The following ARHGEF17 variants were observed in gnomAD, a reference collection of about 807,000 sequenced individuals.
ARHGEF17 encodes Rho guanine nucleotide exchange factor 17, also known as 164 kDa Rho-specific guanine-nucleotide exchange factor.
In ARHGEF17, 80 loss-of-function variants were observed where a neutral mutation model predicts 174.0. The observed-to-expected ratio is 0.46, with a 90% CI of 0.38 to 0.55. The LOEUF (loss-of-function observed/expected upper bound fraction) is 0.55, where lower values mean the gene tolerates loss of function less well. Among genes scored for constraint, ARHGEF17 ranks in the 20% least tolerant of loss-of-function variants. The pLI is 0.00. For synonymous variants in ARHGEF17, 1,311 were observed against 1,189.1 expected (o/e 1.10, Z -2.11); for missense variants, 2,886 against 2,839.7 (o/e 1.02, Z -0.37).
intron 1 of ARHGEF17, among the ~76,000 whole-genome samples, chr11:73,330,765 G>A (rs898154338): frequency 6.6e-6 from 1 of 152,238 alleles, no homozygotes; most frequent in South Asian, 2.1e-4. Context: ...GGCTGTCCTG[G>A]AGGTGGAGGC....
At chr11:73,352,763 G>A (rs113550874) in intron 2 of ARHGEF17, 67 bp from the exon 3 acceptor site, 4 of 1,556,050 alleles carry the variant, frequency 2.6e-6, no homozygotes, top group African/African-American at 2.7e-5. Context: ...TCACACAGGG[G>A]CCCTGTGTAG....
intron 16 of ARHGEF17, 44 bp from the exon 17 acceptor site, chr11:73,364,128 T>C (rs777808442): frequency 1.2e-6 from 2 of 1,604,336 alleles, no homozygotes; most frequent in Non-Finnish European, 8.5e-7. Context: ...TGACCCACTT[T>C]GGCTGCCTGA....
intron 2 of ARHGEF17, among the ~76,000 whole-genome samples, chr11:73,347,496 G>A (rs1458655189): frequency 6.6e-6 from 1 of 152,186 alleles, no homozygotes; most frequent in African/African-American, 2.4e-5. Context: ...AGGTTTCCTG[G>A]AGGAGGTGCT....
intron 1 of ARHGEF17, chr11:73,343,207 G>A: frequency 5.0e-6 from 2 of 398,280 alleles, no homozygotes; most frequent in South Asian, 1.3e-4. Flanking sequence ...CGCGATATGG[G>A]CCCAGCCGCC....
At chr11:73,350,224 T>C (rs1429097338) in intron 2 of ARHGEF17, among the ~76,000 whole-genome samples, 1 of 152,246 alleles carries the variant, frequency 6.6e-6, no homozygotes, top group Non-Finnish European at 1.5e-5. Flanking sequence ...TTAAGAAACT[T>C]GCCCAGGGTC....
chr11:73,311,196 T>C lies in ARHGEF17; in HGVS notation c.2558T>C (p.Val853Ala). 1 of 1,598,736 alleles carries C rather than the reference T, an allele frequency of 6.3e-7. No individual in the cohort carries two copies. The highest frequency in any genetic ancestry group is 8.5e-7 in the Non-Finnish European group (1 of 1,169,854). The change falls in exon 1 of 21, where the codon GTT (valine) becomes GCT (alanine). Residue 853 changes from valine to alanine, a missense_variant. By Grantham distance (64) the Val-to-Ala change is moderately conservative. Around this residue, in one of 4 missense-constraint regions of ARHGEF17, gnomAD observed 1,728 missense variants for 1,461.2 expected, o/e 1.18. Transcript: ENST00000263674. Reference sequence around the variant, plus strand: ...CCTGGAGGGGAGCCCATCCGAGAAGTTGAGCCCATGCTGCCTCCATCCAGC... The same window carrying C: ...CCTGGAGGGGAGCCCATCCGAGAAGCTGAGCCCATGCTGCCTCCATCCAGC... ...EGPGGEPIRE[V>A]EPMLPPSSSE...
intron 2 of ARHGEF17, among the ~76,000 whole-genome samples, chr11:73,348,765 A>G (rs756787242): frequency 2.6e-4 from 39 of 152,202 alleles, no homozygotes; most frequent in Non-Finnish European, 4.1e-4. Context: ...TAAATTTTAT[A>G]TTATATGTAT....
intron 3 of ARHGEF17, among the ~76,000 whole-genome samples, chr11:73,355,271 G>A (rs958552010): frequency 5.3e-5 from 8 of 152,186 alleles, no homozygotes; most frequent in African/African-American, 1.9e-4. Context: ...GAGCTCACAG[G>A]ATACATTCAG....
chr11:73,324,802 T>C (rs1358098553), intron 1 of ARHGEF17, among the ~76,000 whole-genome samples: 1 of 152,220 alleles, frequency 6.6e-6, no homozygotes, highest in Admixed American at 6.5e-5. Context: ...CAGTCCATGG[T>C]CTGAGTCCCA....
At chr11:73,333,704 T>A (rs1865245606) in intron 1 of ARHGEF17, among the ~76,000 whole-genome samples, 2 of 151,512 alleles carry the variant, frequency 1.3e-5, no homozygotes, top group Admixed American at 1.3e-4. Flanking sequence ...TGGAACAGGG[T>A]GGGAGTAGGG....
chr11:73,341,138 A>G (rs1311742990), intron 1 of ARHGEF17, among the ~76,000 whole-genome samples: 1 of 152,190 alleles, frequency 6.6e-6, no homozygotes, highest in Non-Finnish European at 1.5e-5. Flanking sequence ...GACGGGCCTC[A>G]ATCTAGTAAT....
chr11:73,352,287 G>A (rs1053310211), intron 2 of ARHGEF17, among the ~76,000 whole-genome samples: 2 of 152,164 alleles, frequency 1.3e-5, no homozygotes, highest in African/African-American at 2.4e-5. Flanking sequence ...TCGCACCACC[G>A]CACTCCAGCC....
chr11:73,340,384 C>G (rs1865350418), intron 1 of ARHGEF17, among the ~76,000 whole-genome samples: 1 of 152,148 alleles, frequency 6.6e-6, no homozygotes, highest in Non-Finnish European at 1.5e-5. Flanking sequence ...GATCTCTCGA[C>G]CTCAGGACCT....
chr11:73,366,266 C>A (rs936533409), intron 20 of ARHGEF17, among the ~76,000 whole-genome samples: 1 of 152,030 alleles, frequency 6.6e-6, no homozygotes, highest in African/African-American at 2.4e-5. Context: ...GAAAATATGT[C>A]CTGTTGTATA....
At position 73,340,382 on chromosome 11, in the gene ARHGEF17, G is replaced by A. The variant is rs1039147160; in HGVS notation, c.3193-6501G>A. 2.0e-5 allele frequency among the ~76,000 whole-genome samples: 3 copies of A among 152,060 alleles called. No homozygotes were observed. In the South Asian group the frequency reaches 6.2e-4, roughly 32 times the overall value. ...GCACCCATATGCCTGTGGATCTCTC[G>A]ACCTCAGGACCTTGTTCTTGCCATG... On this transcript the variant is annotated intron_variant, in intron 1 of 20. Transcript: ENST00000263674.
intron 1 of ARHGEF17, among the ~76,000 whole-genome samples, chr11:73,337,620 G>A (rs113608693): frequency 0.31 from 46,627 of 151,822 alleles, 9,395 homozygotes; most frequent in African/African-American, 0.58. Context: ...AGGTCTCCCT[G>A]TGTTGCCCAG....
chr11:73,310,351 C>G lies in ARHGEF17; in HGVS notation c.1713C>G (p.Leu571=). 5 of 1,613,862 alleles carry G rather than the reference C, an allele frequency of 3.1e-6. No individual in the cohort carries two copies. The highest frequency in any genetic ancestry group is 3.4e-6 in the Non-Finnish European group (4 of 1,180,000). ...CTCTGAAGTCCAGCTCCTCCGAGCT[C>G]CTGCTCACAGGCCCTGGTGCCGAGG... ...TSALKSSSSE[L]LLTGPGAEED... is the part of the protein sequence containing the mutation. The change falls in exon 1 of 21, where the codon CTC becomes CTG. Residue 571 remains leucine (L), a synonymous_variant. Coordinates refer to ENST00000263674, the MANE Select transcript of ARHGEF17 (RefSeq NM_014786.4).
At position 73,361,945 on chromosome 11, in the gene ARHGEF17, T is replaced by C. The variant is rs949204732; in HGVS notation, c.4495-95T>C. ...CCACACACACACACCCATGCAGGCC[T>C]GCCTCCCTCCATTCTGCCGGGGTTT... On this transcript the variant is annotated intron_variant, in intron 12 of 20. Coordinates refer to ENST00000263674, the MANE Select transcript of ARHGEF17 (RefSeq NM_014786.4). 1.6e-4 allele frequency: 235 copies of C among 1,450,284 alleles called. 1 individual carries two copies. The highest frequency in any genetic ancestry group is 2.4e-5 in the Non-Finnish European group (26 of 1,063,104). The allele number at this position is 1,450,284 out of a possible 1,614,324, so 89.8% of individuals were successfully genotyped here.
At chr11:73,329,363 ATATATATATAT>A (rs1211793248) in intron 1 of ARHGEF17, among the ~76,000 whole-genome samples, 2 of 2,256 alleles carry the variant, frequency 8.9e-4, no homozygotes, top group Admixed American at 4.6e-3. Context: ...ATATATATAT[ATATATATATAT>A]TTTTTTTTTT....
Sources: gnomAD v4.1 joint callset for allele counts (sites outside exome capture counted in the v4.1 genomes callset) on GRCh38, gnomAD v4.1.1 for gene constraint, gnomAD v4.1.1 regional missense constraint, MANE v1.5 for transcripts, NCBI Gene and HGNC (gene_info 2026-07-23, HGNC 2026-07-21) for gene names.